TMEM225: variants seen among roughly 807,000 people sequenced by gnomAD.
TMEM225 encodes the protein PMP22 claudin domain-containing protein.
Under a neutral mutation model 17.6 loss-of-function variants are expected in TMEM225, and 10 were observed. The observed-to-expected ratio is 0.57, with a 90% CI of 0.35 to 0.96. The LOEUF (loss-of-function observed/expected upper bound fraction) is 0.96. TMEM225 is among the 40% of genes least tolerant of loss of function. The pLI is 0.02. For missense variants in TMEM225, 245 were observed against 271.5 expected (o/e 0.90, Z 0.69); for synonymous variants, 101 against 94.5 (o/e 1.07, Z -0.40).
rs752448179 is a variant in TMEM225 at position 123,885,231 on chromosome 11, A to G, written c.181+14T>C. On this transcript the variant is annotated intron_variant, in intron 1 of 3. Transcript: ENST00000375026. ...TTCCTTTCCACCCGTCTCTTTCTAGAGTACAGTTCTGACCTTCTGGCCAAA... is the reference window on the plus strand; with the variant it reads ...TTCCTTTCCACCCGTCTCTTTCTAGGGTACAGTTCTGACCTTCTGGCCAAA... 11 of 1,608,020 alleles carry G rather than the reference A, an allele frequency of 6.8e-6. No homozygotes were observed. The Admixed American group carries it at 1.7e-4, about 25-fold the overall frequency.
rs369861598 is a variant in TMEM225 at position 123,884,282 on chromosome 11, G to T, written c.329-73C>A. On this transcript the variant is annotated intron_variant, in intron 2 of 3. Transcript: ENST00000375026. ...CCCTTCTGAGGAACTTTGGCTCCTT[G>T]ATGCAAGTCTTCATTCCATATACAC... 83 of 1,487,272 alleles carry T rather than the reference G, an allele frequency of 5.6e-5. No homozygotes were observed. In the African/African-American group the frequency reaches 9.7e-4, roughly 17 times the overall value. 92.1% of individuals were successfully genotyped at this position (1,487,272 alleles called of 1,614,324 possible). A position where few individuals can be genotyped will look rare whatever the true frequency, so the allele number is the denominator to read the frequency against.
intron 2 of TMEM225, 59 bp downstream of exon 2, chr11:123,884,431 C>A: frequency 1.3e-6 from 2 of 1,505,208 alleles, no homozygotes; most frequent in Admixed American, 2.1e-5. Context: ...GAGACTGCAG[C>A]CTGAACCCAC....
Position 123,883,049 on chromosome 11 carries a change from A to G in TMEM225, c.*89T>C. The G allele has an allele frequency of 4.5e-6, 5 of 1,113,740 alleles. No homozygotes were observed. Among genetic ancestry groups the G allele is most frequent in the East Asian group, 2.4e-5 (1 of 41,612 alleles). 69.0% of individuals were successfully genotyped at this position (1,113,740 alleles called of 1,614,324 possible). On this transcript the variant is annotated 3_prime_UTR_variant, in exon 4 of 4. Transcript: ENST00000375026. The stretch of plus-strand genomic sequence containing the variant: ...TTACAAACCCCAACCATAATTCCAA[A>G]TAGAGACAACATGGTTGGAGACACA...
intron 2 of TMEM225, 65 bp downstream of exon 2, chr11:123,884,417 TTCAGAGAC>T: frequency 1.4e-6 from 2 of 1,404,378 alleles, no homozygotes; most frequent in South Asian, 2.8e-5. Context: ...ATATATAGTT[TTCAGAGAC>T]TGCAGCCTGA....
At position 123,885,519 on chromosome 11, in the gene TMEM225, T is replaced by G. The variant is rs1863031698; in HGVS notation, c.-94A>C. 8.1e-7 allele frequency: 1 copy of G among 1,241,868 alleles called. No homozygotes were observed. 76.9% of individuals were successfully genotyped at this position (1,241,868 alleles called of 1,614,324 possible). A position where few individuals can be genotyped will look rare whatever the true frequency, so the allele number is the denominator to read the frequency against. On this transcript the variant is annotated 5_prime_UTR_variant, in exon 1 of 4. Coordinates refer to ENST00000375026, the MANE Select transcript of TMEM225 (RefSeq NM_001013743.3). ...TACAAGAAGGGTGATATCTGAACTT[T>G]CAGTGGTTGCTGAGGCATTGGTAAC...
At position 123,885,433 on chromosome 11, in the gene TMEM225, G is replaced by A. The variant is rs868739873; in HGVS notation, c.-8C>T. 1 of 1,606,264 alleles carries A rather than the reference G, an allele frequency of 6.2e-7. No individual in the cohort carries two copies. The highest frequency in any genetic ancestry group is 1.1e-5 in the South Asian group (1 of 89,708). On this transcript the variant is annotated 5_prime_UTR_variant, in exon 1 of 4. Coordinates refer to ENST00000375026, the MANE Select transcript of TMEM225 (RefSeq NM_001013743.3). ...ATTTGAAACATGCACCATTGTGAGT[G>A]AAAATTTCTAGCTGGAACCACCACC...
At chr11:123,884,333 C>G in intron 2 of TMEM225, 124 bp from the exon 3 acceptor site, 1 of 1,353,590 alleles carries the variant, frequency 7.4e-7, no homozygotes, top group Non-Finnish European at 9.9e-7. Context: ...CCACCCGGTC[C>G]AACTACACCT....
chr11:123,883,407 C>G (rs2137476174), intron 3 of TMEM225, 55 bp from the exon 4 acceptor site: 1 of 1,342,964 alleles, frequency 7.4e-7, no homozygotes, highest in East Asian at 2.4e-5. Flanking sequence ...GAGTCAGAAA[C>G]AATTCTCTCC....
Position 123,884,226 on chromosome 11 carries a change from A to C in TMEM225, c.329-17T>G. ...GAGAGATACCTGATGTCCAGACAAAAAAAAAAAAAAAAAAAGAAAAAGAAA... is the reference window on the plus strand; with the variant it reads ...GAGAGATACCTGATGTCCAGACAAACAAAAAAAAAAAAAAAGAAAAAGAAA... On this transcript the variant is annotated splice_polypyrimidine_tract_variant and intron_variant, in intron 2 of 3. Transcript: ENST00000375026. 8.7e-7 allele frequency: 1 copy of C among 1,145,776 alleles called. No homozygotes were observed. The highest frequency in any genetic ancestry group is 1.6e-5 in the South Asian group (1 of 62,334). 71.0% of individuals were successfully genotyped at this position (1,145,776 alleles called of 1,614,324 possible). A position where few individuals can be genotyped will look rare whatever the true frequency, so the allele number is the denominator to read the frequency against.
chr11:123,885,187 C>A, intron 1 of TMEM225, 58 bp downstream of exon 1: 2 of 1,509,010 alleles, frequency 1.3e-6, no homozygotes, highest in South Asian at 1.3e-5. Context: ...TTAAGGAAAG[C>A]CAAGTTAAGG....
intron 3 of TMEM225, 62 bp from the exon 4 acceptor site, chr11:123,883,414 C>T (rs1862991882): frequency 7.4e-7 from 1 of 1,344,102 alleles, no homozygotes; most frequent in Non-Finnish European, 1.1e-6. Context: ...AAACAATTCT[C>T]TCCAATTTGG....
intron 3 of TMEM225, 136 bp downstream of exon 3, chr11:123,883,939 G>A (rs2137476881): frequency 2.2e-6 from 2 of 924,704 alleles, no homozygotes; most frequent in Non-Finnish European, 3.1e-6. Flanking sequence ...TGTCATCAGA[G>A]AATGAATCCA....
Position 123,885,418 on chromosome 11 carries a change from T to C in TMEM225, c.8A>G (p.His3Arg), listed in dbSNP as rs748370038. 5 of 1,609,834 alleles carry C rather than the reference T, an allele frequency of 3.1e-6. No homozygotes were observed. Among genetic ancestry groups the C allele is most frequent in the South Asian group, 1.1e-5 (1 of 90,238 alleles). ...ACCCTGGATACTTCTATTTGAAACA[T>C]GCACCATTGTGAGTGAAAATTTCTA... MV[H>R]VSNRSIQGMN... Residue 3 changes from histidine to arginine, a missense_variant, in exon 1 of 4, where the codon CAT becomes CGT. Transcript: ENST00000375026.
chr11:123,885,594 C>T lies in TMEM225; in HGVS notation c.-169G>A. 1 of 629,976 alleles carries T rather than the reference C, an allele frequency of 1.6e-6. No homozygotes were observed. The highest frequency in any genetic ancestry group is 2.1e-5 in the South Asian group (1 of 47,808). 39.0% of individuals were successfully genotyped at this position (629,976 alleles called of 1,614,324 possible). A position where few individuals can be genotyped will look rare whatever the true frequency, so the allele number is the denominator to read the frequency against. On this transcript the variant is annotated 5_prime_UTR_variant, in exon 1 of 4. Coordinates refer to ENST00000375026, the MANE Select transcript of TMEM225 (RefSeq NM_001013743.3). The stretch of plus-strand genomic sequence containing the variant: ...AACAGAGAAGATAGATAACTCTCAC[C>T]CTTCCTCACTTCCGTTATCTATCAG...
At chr11:123,885,035 A>G (rs1051914654) in intron 1 of TMEM225, among the ~76,000 whole-genome samples, 2 of 152,166 alleles carry the variant, frequency 1.3e-5, no homozygotes, top group East Asian at 3.9e-4. Context: ...GGCTGTGAAC[A>G]TATAAACTTT....
At chr11:123,884,398 CAT>C (rs111805958) in intron 2 of TMEM225, 90 bp downstream of exon 2, 78,185 of 1,131,412 alleles carry the variant, frequency 0.069, 1,940 homozygotes, top group Non-Finnish European at 0.081. Flanking sequence ...TCAGAAGCTA[CAT>C]ATATATATAT....
rs770624149 is a variant in TMEM225 at position 123,883,362 on chromosome 11, A to C, written c.464-10T>G. On this transcript the variant is annotated splice_polypyrimidine_tract_variant and intron_variant, in intron 3 of 3. Coordinates refer to ENST00000375026, the MANE Select transcript of TMEM225 (RefSeq NM_001013743.3). ...AGGAGAGAGAGGACTCCTAGGGAAA[A>C]GAGATTCCAGGGAGTGGGATGAAGG... is the stretch of plus-strand genomic sequence containing the variant. The C allele has an allele frequency of 5.7e-5, 91 of 1,590,064 alleles. No individual in the cohort carries two copies. Among genetic ancestry groups the C allele is most frequent in the Non-Finnish European group, 7.4e-5 (86 of 1,159,008 alleles).
chr11:123,884,780 G>T (rs1359149307), intron 1 of TMEM225, 144 bp from the exon 2 acceptor site: 1 of 776,944 alleles, frequency 1.3e-6, no homozygotes. Context: ...AAAATAACAA[G>T]CAGGGGAACC....
At chr11:123,883,417 C>T (rs1428243768) in intron 3 of TMEM225, 65 bp from the exon 4 acceptor site, 1 of 1,314,800 alleles carries the variant, frequency 7.6e-7, no homozygotes, top group African/African-American at 1.5e-5. Context: ...CAATTCTCTC[C>T]AATTTGGCTG....
Sources: allele counts gnomAD v4.1 joint callset (sites outside exome capture counted in the v4.1 genomes callset), GRCh38; gene constraint gnomAD v4.1.1; transcripts MANE v1.5; gene names NCBI Gene and HGNC (gene_info 2026-07-23, HGNC 2026-07-21).